KDM4B: variants seen among roughly 807,000 people sequenced by gnomAD.
KDM4B encodes the protein lysine demethylase 4B.
KDM4B carries 32 observed loss-of-function variants against 125.2 expected under a neutral mutation model. The ratio of observed to expected loss-of-function variants is 0.26; its 90% CI spans 0.19 to 0.34. The LOEUF (loss-of-function observed/expected upper bound fraction) is 0.34, where lower values mean the gene tolerates loss of function less well. KDM4B is among the 10% of genes least tolerant of loss of function. The probability of loss-of-function intolerance (pLI) is 1.00; values close to 1 mark genes in which losing one functional copy is unlikely to be tolerated. For synonymous variants in KDM4B, 721 were observed against 677.9 expected (o/e 1.06, Z -0.99); for missense variants, 1,190 against 1,577.7 (o/e 0.75, Z 4.16).
chr19:5,052,108 C>T (rs2037245893), intron 6 of KDM4B, among the ~76,000 whole-genome samples: 1 of 152,138 alleles, frequency 6.6e-6, no homozygotes, highest in Non-Finnish European at 1.5e-5. Flanking sequence ...CTCCACCAGC[C>T]TCCCTTGACC....
chr19:5,130,883 C>T (rs1002108037), intron 11 of KDM4B, among the ~76,000 whole-genome samples, 193 bp from the exon 12 acceptor site: 10 of 152,242 alleles, frequency 6.6e-5, no homozygotes, highest in Non-Finnish European at 1.3e-4. Context: ...CCTGGGGGTG[C>T]CTGGCCAGGT....
intron 11 of KDM4B, among the ~76,000 whole-genome samples, chr19:5,129,750 G>T (rs1356242694): frequency 6.6e-6 from 1 of 152,192 alleles, no homozygotes; most frequent in Admixed American, 6.5e-5. Flanking sequence ...ACACACAGGT[G>T]GGGGCCTGAG....
At chr19:5,130,168 G>A (rs898087719) in intron 11 of KDM4B, among the ~76,000 whole-genome samples, 8 of 152,020 alleles carry the variant, frequency 5.3e-5, no homozygotes, top group African/African-American at 1.7e-4. Flanking sequence ...TGAGGACATC[G>A]GGCCTCTTGG....
Position 5,010,682 on chromosome 19 carries a change from CTT to C in KDM4B, c.-108-5572_-108-5571del, listed in dbSNP as rs575507683. Among the ~76,000 whole-genome samples the C allele has an allele frequency of 2.3e-3, 349 of 152,310 alleles. 1 individual carries two copies. The highest frequency in any genetic ancestry group is 0.01 in the Middle Eastern group (3 of 292). On this transcript the variant is annotated intron_variant, in intron 1 of 22. Transcript: ENST00000159111. The stretch of plus-strand genomic sequence containing the variant: ...TATATTTTTGAGACAGAGTCTCACT[CTT>C]TTGCCCAGGCTGGAATGCAGTGGCG...
At chr19:5,041,322 G>A in intron 5 of KDM4B, 71 bp downstream of exon 5, 1 of 1,197,582 alleles carries the variant, frequency 8.4e-7, no homozygotes, top group African/African-American at 1.5e-5. Context: ...GCCCTGAACG[G>A]GACTCTGCCT....
chr19:5,077,821 G>T (rs12460206), intron 8 of KDM4B: 2,883 of 279,754 alleles, frequency 0.01, 66 homozygotes, highest in Admixed American at 0.061. Context: ...GAAACAGAGG[G>T]CAGGGCCCCT....
rs8101733 is a variant in KDM4B, at chr19:5,048,100, G to A, written c.626+431G>A. 7.8e-3 allele frequency among the ~76,000 whole-genome samples: 1,182 copies of A among 152,314 alleles called. 15 individuals carry two copies. The highest frequency in any genetic ancestry group is 0.027 in the African/African-American group (1,112 of 41,574). On this transcript the variant is annotated intron_variant, in intron 6 of 22. Coordinates refer to ENST00000159111, the MANE Select transcript of KDM4B (RefSeq NM_015015.3). ...CTGCAGCCGCTCCCTCGCAGTCTCC[G>A]CCCTGGCACGTCTGGGCCAGGCCCT...
rs1006184799 is a variant in KDM4B at position 5,135,398 on chromosome 19, A to G, written c.2145A>G (p.Thr715=). The G allele has an allele frequency of 1.9e-6, 3 of 1,613,458 alleles. No homozygotes were observed. Among genetic ancestry groups the G allele is most frequent in the Admixed American group, 1.7e-5 (1 of 60,000 alleles). Residue 715 remains threonine, a synonymous_variant, in exon 15 of 23, where the codon ACA becomes ACG. Transcript: ENST00000159111. ...IASLGEGCPA[T]LPSKSRQKTR... ...CCCTCGGAGAGGGCTGCCCGGCCACATTACCCTCCAAAAGCCGTCAGAAGA... is the reference window on the plus strand; with the variant it reads ...CCCTCGGAGAGGGCTGCCCGGCCACGTTACCCTCCAAAAGCCGTCAGAAGA...
rs1325930417 is a variant in KDM4B at position 5,131,228 on chromosome 19, C to A, written c.1468C>A (p.Leu490Met). ...GCCATCCCCACTGGAGCCCCCGGTGCTGGGCCCAGGCCCTGCAGCCATGGA... is the reference window on the plus strand; with the variant it reads ...GCCATCCCCACTGGAGCCCCCGGTGATGGGCCCAGGCCCTGCAGCCATGGA... The part of the protein sequence containing the change: ...WLPSPLEPPV[L>M]GPGPAAMEES... Residue 490 changes from leucine (L) to methionine (M), a missense_variant, in exon 12 of 23, where the codon CTG becomes ATG. Physicochemically the swap from Leu to Met is conservative, Grantham distance 15 (BLOSUM62 2). This residue lies in a region of KDM4B where 428 missense variants were observed against 405.1 expected (regional missense o/e 1.06). Transcript: ENST00000159111. 5.0e-6 allele frequency: 8 copies of A among 1,607,470 alleles called. No homozygotes were observed. In the South Asian group the frequency reaches 8.8e-5, roughly 18 times the overall value.
At chr19:5,111,524 C>T (rs1160138443) in intron 10 of KDM4B, 2 of 764,996 alleles carry the variant, frequency 2.6e-6, no homozygotes, top group East Asian at 2.4e-5. Context: ...GGAGGAGATC[C>T]ACTTCATGCC....
Position 5,135,544 on chromosome 19 carries a change from G to C in KDM4B, c.2291G>C (p.Cys764Ser), listed in dbSNP as rs746034949. 6.2e-7 allele frequency: 1 copy of C among 1,601,212 alleles called. No homozygotes were observed. Among genetic ancestry groups the C allele is most frequent in the Non-Finnish European group, 8.5e-7 (1 of 1,175,596 alleles). ...TSPLIACGKC[C>S]LQVHASCYGI... ...CCCCTGATCGCCTGCGGCAAGTGCT[G>C]CCTGCAGGTCCATGCCAGTGAGTGC... The change falls in exon 15 of 23, where the codon TGC (cysteine) becomes TCC (serine). Residue 764 changes from cysteine to serine, a missense_variant. Cys to Ser is a moderately radical substitution (Grantham distance 112). Coordinates refer to ENST00000159111, the MANE Select transcript of KDM4B (RefSeq NM_015015.3).
chr19:5,136,894 T>C (rs940652028), intron 15 of KDM4B, among the ~76,000 whole-genome samples: 1 of 152,158 alleles, frequency 6.6e-6, no homozygotes, highest in Non-Finnish European at 1.5e-5. Flanking sequence ...GGCTTTGGCC[T>C]TTCTGGACAT....
chr19:5,070,801 C>A (rs1159514079), intron 6 of KDM4B: 4 of 527,436 alleles, frequency 7.6e-6, no homozygotes, highest in Non-Finnish European at 1.4e-5. Flanking sequence ...TCACTCCCCG[C>A]TCCTCCACCT....
At chr19:5,037,456 C>T (rs1328306199) in intron 3 of KDM4B, among the ~76,000 whole-genome samples, 1 of 152,174 alleles carries the variant, frequency 6.6e-6, no homozygotes, top group African/African-American at 2.4e-5. Flanking sequence ...GAACGGCAGC[C>T]CCGCAGCTGC....
intron 5 of KDM4B, 116 bp from the exon 6 acceptor site, chr19:5,047,360 G>T: frequency 1.1e-6 from 1 of 914,410 alleles, no homozygotes; most frequent in Non-Finnish European, 1.6e-6. Context: ...AGATACTGGG[G>T]TGGAGGAGGA....
rs1291755713 is a variant in KDM4B at position 5,114,362 on chromosome 19, G to A, written c.1115+3544G>A. 2 of 660,624 alleles carry A rather than the reference G, an allele frequency of 3.0e-6. No individual in the cohort carries two copies. Among genetic ancestry groups the A allele is most frequent in the Non-Finnish European group, 4.8e-6 (2 of 414,282 alleles). 40.9% of individuals were successfully genotyped at this position (660,624 alleles called of 1,614,324 possible). A position where few individuals can be genotyped will look rare whatever the true frequency, so the allele number is the denominator to read the frequency against. ...GGTGCTGCCTGTCCCCTCCTGCTCT[G>A]CCTTGGCCTGTCGCCCCTGCGCCAG... On this transcript the variant is annotated intron_variant, in intron 10 of 22. Transcript: ENST00000159111. This position sits in a 1 kb window ranked among gnomAD's most constrained non-coding sequence, Gnocchi z 5.8.
intron 6 of KDM4B, among the ~76,000 whole-genome samples, chr19:5,050,639 G>T (rs1422802970): frequency 6.6e-6 from 1 of 152,182 alleles, no homozygotes; most frequent in African/African-American, 2.4e-5. Flanking sequence ...GGTGGTTTGC[G>T]CCTGTAATCC....
Position 5,143,978 on chromosome 19 carries a change from C to T in KDM4B, c.2562C>T (p.Tyr854=), listed in dbSNP as rs370732916. 1.7e-4 allele frequency: 264 copies of T among 1,582,442 alleles called. 1 individual carries two copies. In the South Asian group the frequency reaches 2.3e-3, roughly 14 times the overall value. The change falls in exon 19 of 23, where the codon TAC becomes TAT. Residue 854 remains tyrosine, a synonymous_variant. Transcript: ENST00000159111. ...PEQRWKLKCV[Y]CRKRMKKVSG... is the part of the protein sequence containing the mutation. ...GTCCCCATCCCCAGAAATGCGTGTA[C>T]TGCCGGAAGCGGATGAAGAAGGTGT... is the stretch of plus-strand genomic sequence containing the variant.
chr19:5,030,279 G>T (rs1021099500), intron 2 of KDM4B, among the ~76,000 whole-genome samples: 2 of 152,166 alleles, frequency 1.3e-5, no homozygotes, highest in African/African-American at 4.8e-5. Context: ...GCGCTTTCCT[G>T]TCGTACAGAG....
Sources: allele counts gnomAD v4.1 joint callset (sites outside exome capture counted in the v4.1 genomes callset), GRCh38; gene constraint gnomAD v4.1.1; regional missense constraint gnomAD v4.1.1; non-coding constraint Gnocchi (gnomAD v3.1); transcripts MANE v1.5; gene names NCBI Gene and HGNC (gene_info 2026-07-23, HGNC 2026-07-21).